MCTP1: variants seen among roughly 807,000 people sequenced by gnomAD.
MCTP1 encodes the protein multiple C2 and transmembrane domain containing 1.
Under a neutral mutation model 120.6 loss-of-function variants are expected in MCTP1, and 69 were observed. The observed-to-expected ratio is 0.57, with a 90% CI of 0.47 to 0.70. The LOEUF (loss-of-function observed/expected upper bound fraction) is 0.70, where lower values mean the gene tolerates loss of function less well. MCTP1 is among the 30% of genes least tolerant of loss of function. The pLI, the probability that MCTP1 is intolerant of heterozygous loss-of-function variation, is 0.00. For synonymous variants in MCTP1, 529 were observed against 493.1 expected (o/e 1.07, Z -0.96); for missense variants, 1,203 against 1,248.8 (o/e 0.96, Z 0.55).
chr5:94,789,859 G>C (rs539790473), intron 18 of MCTP1, among the ~76,000 whole-genome samples: 1 of 152,082 alleles, frequency 6.6e-6, no homozygotes, highest in Non-Finnish European at 1.5e-5. Flanking sequence ...AATATTTGTT[G>C]AATGAAAGTA....
At chr5:94,951,840 T>G (rs374361065) in intron 3 of MCTP1, among the ~76,000 whole-genome samples, 1 of 152,174 alleles carries the variant, frequency 6.6e-6, no homozygotes, top group East Asian at 1.9e-4. Flanking sequence ...TTAACGTTAT[T>G]GTGCCATCCC....
At chr5:95,175,962 A>C (rs1313065444) in intron 1 of MCTP1, among the ~76,000 whole-genome samples, 1 of 152,208 alleles carries the variant, frequency 6.6e-6, no homozygotes, top group African/African-American at 2.4e-5. Flanking sequence ...TATCAGGATA[A>C]GATGGACAAA....
intron 3 of MCTP1, among the ~76,000 whole-genome samples, chr5:94,947,577 T>TATATATATATAGAG: frequency 7.0e-4 from 33 of 47,394 alleles, no homozygotes; most frequent in African/African-American, 2.2e-3. Context: ...TATATATATA[T>TATATATATATAGAG]AGAGAGAGAG....
At chr5:95,250,115 C>T (rs912818804) in intron 1 of MCTP1, among the ~76,000 whole-genome samples, 2 of 152,068 alleles carry the variant, frequency 1.3e-5, no homozygotes, top group Admixed American at 6.6e-5. Flanking sequence ...AAGTAACAAA[C>T]CTGCACGTTG....
chr5:94,955,968 C>T (rs1822501352), intron 2 of MCTP1, among the ~76,000 whole-genome samples: 1 of 152,226 alleles, frequency 6.6e-6, no homozygotes, highest in African/African-American at 2.4e-5. Flanking sequence ...TGCTTCCTGA[C>T]AGGGAGACAC....
At chr5:95,130,425 T>C (rs10045954) in intron 1 of MCTP1, among the ~76,000 whole-genome samples, 8,468 of 152,310 alleles carry the variant, frequency 0.056, 311 homozygotes, top group African/African-American at 0.085. Flanking sequence ...CAGCAACAAC[T>C]GGCTTGTATG....
At chr5:94,934,738 T>TTC in intron 5 of MCTP1, among the ~76,000 whole-genome samples, 2 of 822 alleles carry the variant, frequency 2.4e-3, no homozygotes, top group Middle Eastern at 0.33. Context: ...GATAAAGAAG[T>TTC]TTTTTTTTTT....
At chr5:95,035,602 AACT>A (rs1841143237) in intron 1 of MCTP1, among the ~76,000 whole-genome samples, 1 of 152,016 alleles carries the variant, frequency 6.6e-6, no homozygotes, top group African/African-American at 2.4e-5. Context: ...AGGGCTGAAA[AACT>A]ACTTATTGGG....
intron 1 of MCTP1, among the ~76,000 whole-genome samples, chr5:95,164,724 T>C (rs760137230): frequency 1.3e-5 from 2 of 152,222 alleles, no homozygotes; most frequent in Non-Finnish European, 2.9e-5. Context: ...TAACTGGGTA[T>C]ACTGTATTTT....
chr5:95,207,205 T>A (rs968576247), intron 1 of MCTP1, among the ~76,000 whole-genome samples: 4 of 152,174 alleles, frequency 2.6e-5, no homozygotes, highest in African/African-American at 9.6e-5. Flanking sequence ...GACATGTTAA[T>A]AGAAGAATCT....
chr5:95,138,406 C>T (rs1288737693), intron 1 of MCTP1, among the ~76,000 whole-genome samples: 4 of 152,208 alleles, frequency 2.6e-5, no homozygotes, highest in African/African-American at 9.7e-5. Flanking sequence ...CCAGGTTTTT[C>T]TCACTATCCT....
intron 1 of MCTP1, among the ~76,000 whole-genome samples, chr5:95,176,579 T>C (rs1397982963): frequency 3.9e-5 from 6 of 152,236 alleles, no homozygotes; most frequent in Admixed American, 6.5e-5. Flanking sequence ...CAATAAGTTT[T>C]CATTTAAAAA....
At chr5:95,084,656 C>T (rs1755293402) in intron 1 of MCTP1, among the ~76,000 whole-genome samples, 1 of 151,772 alleles carries the variant, frequency 6.6e-6, no homozygotes, top group Non-Finnish European at 1.5e-5. Flanking sequence ...ATATGCTTTA[C>T]ATTAATTTAG....
At chr5:94,932,046 C>T in intron 5 of MCTP1, 55 bp from the exon 6 acceptor site, 1 of 1,258,388 alleles carries the variant, frequency 7.9e-7, no homozygotes, top group Non-Finnish European at 1.1e-6. Context: ...CAGAATAGGG[C>T]AGCCAGTTGT....
intron 5 of MCTP1, among the ~76,000 whole-genome samples, chr5:94,936,600 T>C (rs1445734278): frequency 6.6e-6 from 1 of 152,074 alleles, no homozygotes; most frequent in Non-Finnish European, 1.5e-5. Context: ...GCTTAGTAGA[T>C]GATCAATAAG....
In MCTP1 at chr5:94,708,616, C is replaced by G; in HGVS notation, c.2831-7G>C. 6.4e-7 allele frequency: 1 copy of G among 1,564,726 alleles called. No individual in the cohort carries two copies. Among genetic ancestry groups the G allele is most frequent in the Non-Finnish European group, 8.8e-7 (1 of 1,136,146 alleles). ...TTTGTAAATTTATTGATGCCTGAAA[C>G]AAAGTTGGAGTTAAACAAAGCACAT... is the stretch of plus-strand genomic sequence containing the variant. On this transcript the variant is annotated splice_polypyrimidine_tract_variant and splice_region_variant and intron_variant, in intron 21 of 22. Transcript: ENST00000515393.
At chr5:95,120,001 T>A (rs1758089142) in intron 1 of MCTP1, among the ~76,000 whole-genome samples, 1 of 151,132 alleles carries the variant, frequency 6.6e-6, no homozygotes. Context: ...TGAAACCTCG[T>A]CTCTACTAAA....
chr5:95,155,585 A>C (rs556658128), intron 1 of MCTP1, among the ~76,000 whole-genome samples: 3 of 146,804 alleles, frequency 2.0e-5, no homozygotes, highest in South Asian at 2.2e-4. Context: ...AGTCTGTAAC[A>C]AAAAAAAAAG....
intron 1 of MCTP1, among the ~76,000 whole-genome samples, chr5:95,059,891 G>A (rs1378645944): frequency 1.3e-5 from 2 of 152,126 alleles, no homozygotes; most frequent in African/African-American, 4.8e-5. Context: ...TCTAAGGCAA[G>A]GGAAAAGGGA....
Sources: allele counts gnomAD v4.1 joint callset (sites outside exome capture counted in the v4.1 genomes callset), GRCh38; gene constraint gnomAD v4.1.1; transcripts MANE v1.5; gene names NCBI Gene and HGNC (gene_info 2026-07-23, HGNC 2026-07-21).